The following ARMC3 variants were observed in gnomAD, a reference collection of about 807,000 sequenced individuals.
The protein encoded by ARMC3 is armadillo repeat containing 3.
In ARMC3, 74 loss-of-function variants were observed where a neutral mutation model predicts 90.3. The observed-to-expected ratio is 0.82, with a 90% CI of 0.68 to 0.99. The LOEUF (loss-of-function observed/expected upper bound fraction) is 0.99. ARMC3 is among the 50% of genes least tolerant of loss of function. ARMC3 has a pLI of 0.00. For missense variants in ARMC3, 958 were observed against 1,042.8 expected, an observed-to-expected ratio of 0.92 and a Z score of 1.12; for synonymous variants, 334 against 361.8, an observed-to-expected ratio of 0.92 and a Z score of 0.87.
chr10:22,951,893 G>A (rs1834752408), intron 3 of ARMC3, among the ~76,000 whole-genome samples: 1 of 152,188 alleles, frequency 6.6e-6, no homozygotes, highest in African/African-American at 2.4e-5. Flanking sequence ...AACTTTGAGA[G>A]GCTGAGGTGG....
intron 14 of ARMC3, 78 bp from the exon 15 acceptor site, chr10:23,008,198 A>T (rs561218718): frequency 1.4e-6 from 1 of 731,252 alleles, no homozygotes; most frequent in Non-Finnish European, 2.1e-6. Context: ...TTCAGAAAAA[A>T]ATCTGTTTCG....
intron 12 of ARMC3, 51 bp downstream of exon 12, chr10:23,002,106 G>A: frequency 6.3e-7 from 1 of 1,596,278 alleles, no homozygotes; most frequent in Non-Finnish European, 8.5e-7. Context: ...GCAGAAGACG[G>A]AGAGGCACAC....
At chr10:23,008,083 G>A (rs1046851480) in intron 14 of ARMC3, among the ~76,000 whole-genome samples, 193 bp from the exon 15 acceptor site, 6 of 152,100 alleles carry the variant, frequency 3.9e-5, no homozygotes, top group South Asian at 2.1e-4. Context: ...CAGCCTGGGC[G>A]ATAGAGTGAG....
intron 16 of ARMC3, among the ~76,000 whole-genome samples, chr10:23,027,036 T>C (rs946574170): frequency 2.0e-5 from 3 of 152,322 alleles, no homozygotes; most frequent in Admixed American, 6.5e-5. Context: ...TAGTAAGCCT[T>C]ACTATCAAAT....
chr10:22,952,789 A>G (rs750023776), intron 3 of ARMC3, among the ~76,000 whole-genome samples: 7 of 152,232 alleles, frequency 4.6e-5, no homozygotes, highest in Non-Finnish European at 7.3e-5. Context: ...AAAAGTTAGC[A>G]AATTAAATTC....
Position 22,928,263 on chromosome 10 carries a change from G to A in ARMC3, c.-2+157G>A, listed in dbSNP as rs990059009. Among the ~76,000 whole-genome samples the A allele has an allele frequency of 3.9e-5, 6 of 152,290 alleles. No homozygotes were observed. In the South Asian group the frequency reaches 1.2e-3, roughly 32 times the overall value. ...CTGCCTCGCGCCCGCAGGGTTAGAC[G>A]GGGCTTGGGGTGGGTTTCGTAAGCA... On this transcript the variant is annotated intron_variant, in intron 1 of 18. Transcript: ENST00000298032.
chr10:23,002,202 C>A, intron 12 of ARMC3, 147 bp downstream of exon 12: 2 of 1,232,942 alleles, frequency 1.6e-6, no homozygotes, highest in Non-Finnish European at 2.2e-6. Flanking sequence ...CGGGCCTTGG[C>A]TTGGAAGGAA....
rs1023078443 is a variant in ARMC3 at position 22,994,372 on chromosome 10, C to T, written c.1176-3776C>T. 3.3e-5 allele frequency among the ~76,000 whole-genome samples: 5 copies of T among 151,998 alleles called. No homozygotes were observed. The East Asian group carries it at 5.8e-4, about 18-fold the overall frequency. ...TGGGGCTGGCGTGAGAAGTGGGGGCCGCTTGTGTAAGGCCTTGGAGGCCAT... is the reference window on the plus strand; with the variant it reads ...TGGGGCTGGCGTGAGAAGTGGGGGCTGCTTGTGTAAGGCCTTGGAGGCCAT... On this transcript the variant is annotated intron_variant, in intron 10 of 18. Transcript: ENST00000298032.
At position 23,006,873 on chromosome 10, in the gene ARMC3, TTA is replaced by T; in HGVS notation, c.1732-9_1732-8del. On this transcript the variant is annotated splice_polypyrimidine_tract_variant and intron_variant, in intron 13 of 18. Coordinates refer to ENST00000298032, the MANE Select transcript of ARMC3 (RefSeq NM_173081.5). ...CAGATACTACTTTTTGGTCCTTAAATTATCTCACAGATAAATCCCGGCACCAA... is the reference window on the plus strand; with the variant it reads ...CAGATACTACTTTTTGGTCCTTAAATTCTCACAGATAAATCCCGGCACCAA... 6.2e-7 allele frequency: 1 copy of T among 1,613,520 alleles called. No individual in the cohort carries two copies. Among genetic ancestry groups the T allele is most frequent in the Non-Finnish European group, 8.5e-7 (1 of 1,179,502 alleles).
chr10:22,929,253 AGAGAGAGAGAGAGG>A (rs1419569120), intron 1 of ARMC3, among the ~76,000 whole-genome samples: 1 of 144,734 alleles, frequency 6.9e-6, no homozygotes, highest in African/African-American at 2.8e-5. Flanking sequence ...AAAAAAGAGA[AGAGAGAGAGAGAGG>A]GAGAGAGAGA....
intron 10 of ARMC3, among the ~76,000 whole-genome samples, chr10:22,993,582 C>G (rs185850166): frequency 4.6e-5 from 7 of 152,196 alleles, no homozygotes; most frequent in Admixed American, 6.5e-5. Flanking sequence ...TGAGTTGATT[C>G]GAGTCAATTA....
chr10:23,008,807 A>C lies in ARMC3; in HGVS notation c.1929-8A>C, dbSNP rs1837771320. The C allele has an allele frequency of 6.2e-7, 1 of 1,602,922 alleles. No homozygotes were observed. Among genetic ancestry groups the C allele is most frequent in the South Asian group, 1.1e-5 (1 of 89,738 alleles). ...GAAATTGGTTGTGGTTTTTTTTCAA[A>C]TGACAAGAAAAAATAGTTATCATTT... is the stretch of plus-strand genomic sequence containing the variant. On this transcript the variant is annotated splice_region_variant and splice_polypyrimidine_tract_variant and intron_variant, in intron 15 of 18. Coordinates refer to ENST00000298032, the MANE Select transcript of ARMC3 (RefSeq NM_173081.5).
chr10:22,982,733 C>T (rs938918321), intron 10 of ARMC3, among the ~76,000 whole-genome samples: 3 of 152,198 alleles, frequency 2.0e-5, no homozygotes, highest in African/African-American at 7.2e-5. Flanking sequence ...GCCTCCATCT[C>T]ATTTGGTATG....
chr10:22,955,094 C>G (rs1232634317), intron 3 of ARMC3: 2 of 152,222 alleles, frequency 1.3e-5, no homozygotes, highest in Admixed American at 1.3e-4. Context: ...CTCTGTTACT[C>G]AAGCCCTCAA....
intron 8 of ARMC3, among the ~76,000 whole-genome samples, chr10:22,980,744 A>C (rs934295325): frequency 1.3e-5 from 2 of 152,170 alleles, no homozygotes; most frequent in African/African-American, 4.8e-5. Flanking sequence ...ACTTTATTTA[A>C]TTAAATAATT....
intron 16 of ARMC3, among the ~76,000 whole-genome samples, chr10:23,015,527 C>G (rs1838235068): frequency 1.3e-5 from 2 of 152,094 alleles, no homozygotes; most frequent in South Asian, 4.1e-4. Context: ...GTTCACTTGA[C>G]TGAACATGAG....
rs1564353544 is a variant in ARMC3, at chr10:22,959,466, A to G, written c.429A>G (p.Lys143=). 8 of 1,613,958 alleles carry G rather than the reference A, an allele frequency of 5.0e-6. No individual in the cohort carries two copies. The highest frequency in any genetic ancestry group is 2.2e-5 in the East Asian group (1 of 44,858). The change falls in exon 6 of 19, where the codon AAA becomes AAG. Residue 143 remains lysine, a synonymous_variant. Coordinates refer to ENST00000298032, the MANE Select transcript of ARMC3 (RefSeq NM_173081.5). Reference sequence around the variant, plus strand: ...ACATGTCTGCAGAGTACACCAGTAAAGTGCAAATATTTGAACATGGGGGAT... The same window carrying G: ...ACATGTCTGCAGAGTACACCAGTAAGGTGCAAATATTTGAACATGGGGGAT... ...LANMSAEYTS[K]VQIFEHGGLE...
chr10:22,967,946 T>C (rs554494840), intron 7 of ARMC3, among the ~76,000 whole-genome samples: 25 of 152,336 alleles, frequency 1.6e-4, no homozygotes, highest in African/African-American at 5.8e-4. Context: ...TATTTTAAAG[T>C]ATATATTTTC....
intron 10 of ARMC3, among the ~76,000 whole-genome samples, chr10:22,988,549 T>C (rs1218265440): frequency 6.6e-6 from 1 of 152,218 alleles, no homozygotes; most frequent in African/African-American, 2.4e-5. Flanking sequence ...ATTCTATTGA[T>C]TTTAGGCTAA....
Sources: gnomAD v4.1 joint callset for allele counts (sites outside exome capture counted in the v4.1 genomes callset) on GRCh38, gnomAD v4.1.1 for gene constraint, MANE v1.5 for transcripts, NCBI Gene and HGNC (gene_info 2026-07-23, HGNC 2026-07-21) for gene names.